LDLRAD3: variants seen among roughly 807,000 people sequenced by gnomAD.
LDLRAD3 encodes the protein low-density lipoprotein receptor class A domain-containing protein 3.
Under a neutral mutation model 29.4 loss-of-function variants are expected in LDLRAD3, and 20 were observed. The ratio of observed to expected loss-of-function variants is 0.68; its 90% CI spans 0.48 to 0.99. LDLRAD3 has a LOEUF of 0.99. Among genes scored for constraint, LDLRAD3 ranks in the 50% least tolerant of loss-of-function variants. The pLI, the probability that LDLRAD3 is intolerant of heterozygous loss-of-function variation, is 0.00. For missense variants in LDLRAD3, 420 were observed against 454.3 expected, an observed-to-expected ratio of 0.92 and a Z score of 0.69; for synonymous variants, 157 against 192.7, an observed-to-expected ratio of 0.81 and a Z score of 1.53.
In LDLRAD3 at chr11:36,149,732, C is replaced by G. The variant is rs553324872; in HGVS notation, c.454+51271C>G. On this transcript the variant is annotated intron_variant, in intron 4 of 5. Coordinates refer to ENST00000315571, the MANE Select transcript of LDLRAD3 (RefSeq NM_174902.4). Reference sequence around the variant, plus strand: ...AAACCATCTCCTGGGGCTTGGTGACCAGGGTATGAGGGCACTGAACACAGT... The same window carrying G: ...AAACCATCTCCTGGGGCTTGGTGACGAGGGTATGAGGGCACTGAACACAGT... Among the ~76,000 whole-genome samples, 3 of 152,278 alleles carry G rather than the reference C, an allele frequency of 2.0e-5. No homozygotes were observed. The South Asian group carries it at 6.2e-4, about 32-fold the overall frequency.
chr11:36,066,088 T>G (rs1318108384), intron 2 of LDLRAD3, among the ~76,000 whole-genome samples: 1 of 152,164 alleles, frequency 6.6e-6, no homozygotes, highest in East Asian at 1.9e-4. Context: ...GAAAAGGGTC[T>G]AGAATGGAGT....
rs372801765 is a variant in LDLRAD3, at chr11:35,955,181, G to T, written c.46+11037G>T. 5.6e-4 allele frequency among the ~76,000 whole-genome samples: 85 copies of T among 152,314 alleles called. 2 individuals carry two copies. In the East Asian group the frequency reaches 0.015, roughly 27 times the overall value. Reference sequence around the variant, plus strand: ...AATCGCTTGAACCTGGGAGGTGGAGGTTGTAATGAGCTGAGATTGCACCAC... The same window carrying T: ...AATCGCTTGAACCTGGGAGGTGGAGTTTGTAATGAGCTGAGATTGCACCAC... On this transcript the variant is annotated intron_variant, in intron 1 of 5. Transcript: ENST00000315571.
intron 1 of LDLRAD3, among the ~76,000 whole-genome samples, chr11:36,027,396 T>A (rs1046072346): frequency 6.6e-6 from 1 of 152,258 alleles, no homozygotes; most frequent in African/African-American, 2.4e-5. Flanking sequence ...TCGTGGGTTA[T>A]ACATGTGGCA....
intron 4 of LDLRAD3, among the ~76,000 whole-genome samples, chr11:36,219,233 T>C (rs1855395378): frequency 1.3e-5 from 2 of 152,244 alleles, no homozygotes; most frequent in Non-Finnish European, 1.5e-5. Flanking sequence ...CTGTAAACCA[T>C]GTCTAGTAGA....
At chr11:36,009,716 A>G (rs1056227113) in intron 1 of LDLRAD3, among the ~76,000 whole-genome samples, 1 of 152,232 alleles carries the variant, frequency 6.6e-6, no homozygotes, top group Non-Finnish European at 1.5e-5. Flanking sequence ...TCCATGCAGA[A>G]AATTCTATGA....
At chr11:36,039,343 A>T (rs1852351513) in intron 2 of LDLRAD3, among the ~76,000 whole-genome samples, 1 of 152,194 alleles carries the variant, frequency 6.6e-6, no homozygotes, top group African/African-American at 2.4e-5. Flanking sequence ...TTGTGTCAAA[A>T]TCAGAGCCCT....
chr11:36,094,558 C>T (rs35195855), intron 3 of LDLRAD3, among the ~76,000 whole-genome samples: 21,974 of 152,108 alleles, frequency 0.14, 1,970 homozygotes, highest in Admixed American at 0.2. Context: ...TTTTTTGAGA[C>T]GGGGTCTCGC....
At chr11:36,220,353 A>G (rs970196296) in intron 4 of LDLRAD3, among the ~76,000 whole-genome samples, 1 of 152,196 alleles carries the variant, frequency 6.6e-6, no homozygotes, top group Non-Finnish European at 1.5e-5. Context: ...TGTATGCCCA[A>G]GAAATATGAA....
At chr11:36,184,029 C>T (rs1854807824) in intron 4 of LDLRAD3, 2 of 300,316 alleles carry the variant, frequency 6.7e-6, no homozygotes, top group South Asian at 2.6e-5. Context: ...TGCAGTGGCA[C>T]ATCTCGGCTC....
At chr11:36,022,996 G>C (rs995270266) in intron 1 of LDLRAD3, among the ~76,000 whole-genome samples, 1 of 152,182 alleles carries the variant, frequency 6.6e-6, no homozygotes, top group Non-Finnish European at 1.5e-5. Flanking sequence ...CAAGAAGTCA[G>C]CTAATTCCTC....
intron 4 of LDLRAD3, among the ~76,000 whole-genome samples, chr11:36,164,644 T>TA (rs372037569): frequency 1.5e-4 from 23 of 152,250 alleles, no homozygotes; most frequent in African/African-American, 5.5e-4. Context: ...GAGTGAGCTT[T>TA]AGCAAATGGA....
chr11:36,206,962 G>A (rs990501235), intron 4 of LDLRAD3, among the ~76,000 whole-genome samples: 2 of 151,972 alleles, frequency 1.3e-5, no homozygotes, highest in Non-Finnish European at 2.9e-5. Flanking sequence ...TCTTGACCTC[G>A]TGATACACCC....
intron 4 of LDLRAD3, among the ~76,000 whole-genome samples, chr11:36,225,375 C>T (rs1855484795): frequency 6.6e-6 from 1 of 152,188 alleles, no homozygotes; most frequent in Non-Finnish European, 1.5e-5. Context: ...TTTCCTCCAC[C>T]TGCCTGGACC....
intron 4 of LDLRAD3, among the ~76,000 whole-genome samples, chr11:36,111,860 G>T (rs1381318415): frequency 6.6e-6 from 1 of 152,190 alleles, no homozygotes; most frequent in Admixed American, 6.5e-5. Flanking sequence ...GCCTCCCAAA[G>T]TGTTGGGGTT....
intron 4 of LDLRAD3, among the ~76,000 whole-genome samples, chr11:36,108,357 C>A (rs1853561716): frequency 7.0e-6 from 1 of 142,670 alleles, no homozygotes; most frequent in Non-Finnish European, 1.5e-5. Context: ...AAGATGCATT[C>A]CAGTTTCAGA....
chr11:36,222,419 T>G (rs1163847360), intron 4 of LDLRAD3, among the ~76,000 whole-genome samples: 1 of 151,968 alleles, frequency 6.6e-6, no homozygotes, highest in Non-Finnish European at 1.5e-5. Flanking sequence ...TATATTAATA[T>G]ATATTATTAG....
chr11:36,100,411 G>A (rs1013358892), intron 4 of LDLRAD3, among the ~76,000 whole-genome samples: 1 of 152,174 alleles, frequency 6.6e-6, no homozygotes, highest in Non-Finnish European at 1.5e-5. Context: ...AGGAAGGATT[G>A]AGGAACATTT....
chr11:35,946,755 C>CG (rs1851062346), intron 1 of LDLRAD3, among the ~76,000 whole-genome samples: 1 of 152,148 alleles, frequency 6.6e-6, no homozygotes, highest in South Asian at 2.1e-4. Context: ...AGTGAGTGTA[C>CG]TCCCAGGAGT....
intron 4 of LDLRAD3, among the ~76,000 whole-genome samples, chr11:36,145,452 C>G (rs1854175568): frequency 7.3e-6 from 1 of 137,472 alleles, no homozygotes; most frequent in Non-Finnish European, 1.5e-5. Flanking sequence ...CCGGCCGCCC[C>G]TACTGGGAAG....
Sources: gnomAD v4.1 joint callset for allele counts (sites outside exome capture counted in the v4.1 genomes callset) on GRCh38, gnomAD v4.1.1 for gene constraint, MANE v1.5 for transcripts, NCBI Gene and HGNC (gene_info 2026-07-23, HGNC 2026-07-21) for gene names.